The following MAPK10 variants were observed in gnomAD, a reference collection of about 807,000 sequenced individuals.
The protein encoded by MAPK10 is mitogen-activated protein kinase 10, also known as JNK3 alpha protein kinase.
MAPK10 carries 25 observed loss-of-function variants against 59.3 expected under a neutral mutation model. The observed-to-expected ratio is 0.42, with a 90% CI of 0.31 to 0.59. The LOEUF (loss-of-function observed/expected upper bound fraction) is 0.59, where lower values mean the gene tolerates loss of function less well. Ranked by LOEUF, MAPK10 falls within the 20% of genes least tolerant of loss-of-function variation. The pLI is 0.15. For missense variants in MAPK10, 351 were observed against 568.9 expected, an observed-to-expected ratio of 0.62 and a Z score of 3.90; for synonymous variants, 190 against 200.5, an observed-to-expected ratio of 0.95 and a Z score of 0.44.
In MAPK10 at chr4:86,371,474, T is replaced by C. The variant is rs533730924; in HGVS notation, c.-121-16830A>G. Among the ~76,000 whole-genome samples the C allele has an allele frequency of 8.6e-4, 131 of 152,346 alleles. 1 individual carries two copies. Among genetic ancestry groups the C allele is most frequent in the African/African-American group, 3.0e-3 (124 of 41,578 alleles). On this transcript the variant is annotated intron_variant, in intron 1 of 13. Coordinates refer to the MAPK10 transcript ENST00000361569. ...ACTTAGAGAGAGTTTAAGTCATTTA[T>C]TCAGGATCACAAATGACCGCCATGG...
chr4:86,117,068 A>T (rs1226439239), intron 4 of MAPK10, among the ~76,000 whole-genome samples: 1 of 152,230 alleles, frequency 6.6e-6, no homozygotes. Context: ...ATCCCATGAC[A>T]TCATAAAATA....
intron 2 of MAPK10, among the ~76,000 whole-genome samples, chr4:86,343,202 C>T (rs1355354590): frequency 6.6e-6 from 1 of 152,198 alleles, no homozygotes; most frequent in Non-Finnish European, 1.5e-5. Flanking sequence ...CTCATGAAGA[C>T]CTCCTGACCT....
Position 86,017,250 on chromosome 4 carries a change from C to G in MAPK10, c.1373G>C (p.Gly458Ala), listed in dbSNP as rs774694594. 45 of 1,613,920 alleles carry G rather than the reference C, an allele frequency of 2.8e-5. No homozygotes were observed. Among genetic ancestry groups the G allele is most frequent in the Non-Finnish European group, 3.6e-5 (42 of 1,179,978 alleles). ...DTDSSLEASA[G>A]PLGCCR ...TAGTCACCTGCAACAACCCAGGGGT[C>G]CTGCCGAGGCTTCCAGGCTGCTGTC... Residue 458 changes from glycine (G) to alanine (A), a missense_variant, in exon 14 of 14, where the codon GGA becomes GCA. Physicochemically the swap from Gly to Ala is moderately conservative, Grantham distance 60. Around this residue, in one of 5 missense-constraint regions of MAPK10, gnomAD observed 155 missense variants for 204.2 expected, o/e 0.76. Transcript: ENST00000641462. The surrounding 1 kb of genome is among the most constrained non-coding windows in gnomAD (Gnocchi z 4.4).
chr4:86,135,378 C>G (rs1185962038), intron 4 of MAPK10, among the ~76,000 whole-genome samples: 1 of 152,208 alleles, frequency 6.6e-6, no homozygotes, highest in Admixed American at 6.5e-5. Flanking sequence ...GTCCCTGACC[C>G]CTGACCCCCG....
At chr4:86,508,248 C>T (rs1755954939) in intron 1 of MAPK10, among the ~76,000 whole-genome samples, 1 of 152,116 alleles carries the variant, frequency 6.6e-6, no homozygotes, top group African/African-American at 2.4e-5. Context: ...GGATTGGTGG[C>T]CTGTGGAATT....
At chr4:86,241,718 G>T (rs2092732761) in intron 2 of MAPK10, among the ~76,000 whole-genome samples, 1 of 152,018 alleles carries the variant, frequency 6.6e-6, no homozygotes, top group African/African-American at 2.4e-5. Flanking sequence ...ATTCTAATTA[G>T]CAATTCCTCT....
intron 2 of MAPK10, among the ~76,000 whole-genome samples, chr4:86,349,061 A>C (rs937986686): frequency 4.6e-5 from 7 of 152,238 alleles, no homozygotes; most frequent in Admixed American, 1.3e-4. Flanking sequence ...ATGACAGAAC[A>C]ACAGTTTGTT....
chr4:86,070,919 G>A (rs1480411746), intron 9 of MAPK10, among the ~76,000 whole-genome samples: 1 of 152,002 alleles, frequency 6.6e-6, no homozygotes, highest in African/African-American at 2.4e-5. Flanking sequence ...TAATGGGATG[G>A]CTGGGTCAAA....
intron 1 of MAPK10, among the ~76,000 whole-genome samples, chr4:86,389,206 T>C (rs1222960120): frequency 6.6e-6 from 1 of 152,098 alleles, no homozygotes; most frequent in East Asian, 1.9e-4. Context: ...ATGTAAGATA[T>C]GCTCACTCCC....
upstream of MAPK10, among the ~76,000 whole-genome samples, chr4:86,454,360 A>G (rs1751051502): frequency 6.6e-6 from 1 of 152,234 alleles, no homozygotes; most frequent in South Asian, 2.1e-4. Context: ...AAGGAAATCA[A>G]AAATATGATA....
intron 1 of MAPK10, among the ~76,000 whole-genome samples, chr4:86,367,639 T>C (rs1738113317): frequency 1.3e-5 from 2 of 152,038 alleles, no homozygotes; most frequent in Admixed American, 1.3e-4. Context: ...TATTCTTATG[T>C]AGCAAGCATT....
chr4:86,517,269 C>CTTTTT (rs1176457005), intron 1 of MAPK10, among the ~76,000 whole-genome samples: 76 of 84,268 alleles, frequency 9.0e-4, no homozygotes, highest in Non-Finnish European at 1.1e-3. Flanking sequence ...GGTGTATTAT[C>CTTTTT]TTTTTTTTTT....
chr4:86,144,915 ATTGGATAAAT>A (rs2064515190), intron 4 of MAPK10, among the ~76,000 whole-genome samples: 1 of 152,142 alleles, frequency 6.6e-6, no homozygotes, highest in Non-Finnish European at 1.5e-5. Context: ...TATGAACACA[ATTGGATAAAT>A]TTGCACACTA....
chr4:86,528,082 A>G (rs999403748), intron 1 of MAPK10, among the ~76,000 whole-genome samples: 3 of 152,132 alleles, frequency 2.0e-5, no homozygotes, highest in African/African-American at 7.2e-5. Flanking sequence ...GATCATTCGT[A>G]CCCCAAACCT....
In MAPK10 at chr4:86,082,560, A is replaced by G. The variant is rs80043721; in HGVS notation, c.803-14605T>C. Among the ~76,000 whole-genome samples, 653 of 152,300 alleles carry G rather than the reference A, an allele frequency of 4.3e-3. 28 individuals are homozygous for G. In the East Asian group the frequency reaches 0.1, roughly 24 times the overall value. The stretch of plus-strand genomic sequence containing the variant: ...AGTTGTAAGAAAAAGTTATAGGGAA[A>G]GACTCAAACCTTCTTGGAAGGCCAG... On this transcript the variant is annotated intron_variant, in intron 9 of 13. Coordinates refer to ENST00000641462, the MANE Select transcript of MAPK10 (RefSeq NM_138982.4).
At chr4:86,584,143 T>A (rs1424194454) in intron 1 of MAPK10, among the ~76,000 whole-genome samples, 1 of 152,170 alleles carries the variant, frequency 6.6e-6, no homozygotes, top group Non-Finnish European at 1.5e-5. Flanking sequence ...CTGGTGCTGC[T>A]TCAAGAACCA....
At chr4:86,088,610 C>T (rs949344202) in intron 9 of MAPK10, among the ~76,000 whole-genome samples, 2 of 152,088 alleles carry the variant, frequency 1.3e-5, no homozygotes, top group Non-Finnish European at 1.5e-5. Context: ...AATTATTGCA[C>T]TTGTTAATAA....
intron 2 of MAPK10, among the ~76,000 whole-genome samples, chr4:86,267,155 T>C (rs2094276115): frequency 6.6e-6 from 1 of 151,684 alleles, no homozygotes; most frequent in Non-Finnish European, 1.5e-5. Context: ...AAATAAATAC[T>C]GTCCTGAACA....
intron 6 of MAPK10, 50 bp downstream of exon 6, chr4:86,103,136 G>A: frequency 2.7e-6 from 3 of 1,116,248 alleles, no homozygotes; most frequent in East Asian, 2.5e-5. Context: ...TTTTCCCTTG[G>A]GCTATCTGAG....
Sources: gnomAD v4.1 joint callset for allele counts (sites outside exome capture counted in the v4.1 genomes callset) on GRCh38, gnomAD v4.1.1 for gene constraint, gnomAD v4.1.1 regional missense constraint, Gnocchi (gnomAD v3.1) non-coding constraint, MANE v1.5 for transcripts, NCBI Gene and HGNC (gene_info 2026-07-23, HGNC 2026-07-21) for gene names.